Variants in COL22A1 observed in about 807,000 individuals in gnomAD.
The protein encoded by COL22A1 is collagen type XXII alpha 1 chain.
In COL22A1, 221 loss-of-function variants were observed where a neutral mutation model predicts 248.9. The ratio of observed to expected loss-of-function variants is 0.89; its 90% CI spans 0.80 to 0.99. The LOEUF (loss-of-function observed/expected upper bound fraction) is 0.99. COL22A1 is among the 50% of genes least tolerant of loss of function. COL22A1 has a pLI of 0.00. For synonymous variants in COL22A1, 891 were observed against 793.4 expected (o/e 1.12, Z -2.07); for missense variants, 2,240 against 2,179.0 (o/e 1.03, Z -0.56).
chr8:138,862,287 C>T (rs1292246715), intron 3 of COL22A1, among the ~76,000 whole-genome samples: 1 of 152,148 alleles, frequency 6.6e-6, no homozygotes, highest in Non-Finnish European at 1.5e-5. Context: ...TGCCACTCAA[C>T]TAACAATAAA....
chr8:138,598,955 G>A (rs1817766910), intron 60 of COL22A1, 57 bp from the exon 61 acceptor site: 2 of 1,562,664 alleles, frequency 1.3e-6, no homozygotes, highest in Non-Finnish European at 1.8e-6. Context: ...TGTACCCCAT[G>A]CAGCTGCAAA....
intron 3 of COL22A1, among the ~76,000 whole-genome samples, chr8:138,874,076 C>T (rs1437565873): frequency 6.6e-6 from 1 of 152,186 alleles, no homozygotes; most frequent in Non-Finnish European, 1.5e-5. Flanking sequence ...AGCTGCTTTC[C>T]AATATGTTAC....
At chr8:138,806,139 GGTGTGTGTGTGATGGT>G (rs1563788718) in intron 10 of COL22A1, among the ~76,000 whole-genome samples, 3 of 64,542 alleles carry the variant, frequency 4.6e-5, no homozygotes, top group African/African-American at 1.1e-4. Context: ...GGTGTGTGGT[GGTGTGTGTGTGATGGT>G]GTGTGTGTGT....
In COL22A1 at chr8:138,624,529, T is replaced by G. The variant is rs577719651; in HGVS notation, c.3718-744A>C. On this transcript the variant is annotated intron_variant, in intron 51 of 64. Transcript: ENST00000303045. ...AATGGATATTATTAAGAAAATAGCATAATCATATGTAAGGTTGTATCTCTC... is the reference window on the plus strand; with the variant it reads ...AATGGATATTATTAAGAAAATAGCAGAATCATATGTAAGGTTGTATCTCTC... Among the ~76,000 whole-genome samples the G allele has an allele frequency of 2.6e-5, 4 of 152,280 alleles. No homozygotes were observed. The South Asian group carries it at 8.3e-4, about 32-fold the overall frequency.
At chr8:138,901,369 G>GTTTTTTTTTTTTTTTTT (rs1396582556) in intron 1 of COL22A1, among the ~76,000 whole-genome samples, 6 of 118,768 alleles carry the variant, frequency 5.1e-5, no homozygotes, top group Admixed American at 1.0e-4. Flanking sequence ...TTTTTTTTTT[G>GTTTTTTTTTTTTTTTTT]TTTTTTTTTT....
chr8:138,891,896 G>T lies in COL22A1; in HGVS notation c.-72-8652C>A, dbSNP rs6999051. ...AGAAACTTTCAGTTAACCCCTGGGA[G>T]GGAAGAGCATGGCTTTCTTTATCCT... is the stretch of plus-strand genomic sequence containing the variant. On this transcript the variant is annotated intron_variant, in intron 1 of 64. Coordinates refer to ENST00000303045, the MANE Select transcript of COL22A1 (RefSeq NM_152888.3). Among the ~76,000 whole-genome samples, 21 of 152,168 alleles carry T rather than the reference G, an allele frequency of 1.4e-4. No homozygotes were observed. The South Asian group carries it at 3.5e-3, about 26-fold the overall frequency.
intron 18 of COL22A1, among the ~76,000 whole-genome samples, chr8:138,756,861 C>T (rs1833047333): frequency 6.6e-6 from 1 of 152,168 alleles, no homozygotes; most frequent in East Asian, 1.9e-4. Context: ...AATCACCTCA[C>T]TTTTCACAGC....
chr8:138,629,713 A>G (rs1820545711), intron 50 of COL22A1, among the ~76,000 whole-genome samples: 1 of 152,218 alleles, frequency 6.6e-6, no homozygotes, highest in Non-Finnish European at 1.5e-5. Context: ...ACTTTGACCA[A>G]GTGACATAAC....
intron 58 of COL22A1, among the ~76,000 whole-genome samples, chr8:138,605,096 A>G (rs1470510783): frequency 6.6e-6 from 1 of 152,198 alleles, no homozygotes; most frequent in African/African-American, 2.4e-5. Context: ...AAGTAGGCCC[A>G]TAATGTGTGA....
intron 16 of COL22A1, among the ~76,000 whole-genome samples, chr8:138,769,939 T>C (rs7832107): frequency 0.5 from 75,458 of 151,998 alleles, 19,752 homozygotes; most frequent in African/African-American, 0.66. Context: ...CTTAGGGACC[T>C]TCTACCAGGT....
chr8:138,667,812 G>A (rs1824644690), intron 41 of COL22A1, among the ~76,000 whole-genome samples: 2 of 151,884 alleles, frequency 1.3e-5, no homozygotes, highest in African/African-American at 2.4e-5. Context: ...TCACAAAGAG[G>A]CTCCACCAGA....
At position 138,781,856 on chromosome 8, in the gene COL22A1, T is replaced by C. The variant is rs79045258; in HGVS notation, c.1597-876A>G. Among the ~76,000 whole-genome samples, 33 of 152,346 alleles carry C rather than the reference T, an allele frequency of 2.2e-4. No homozygotes were observed. The East Asian group carries it at 6.0e-3, about 28-fold the overall frequency. The stretch of plus-strand genomic sequence containing the variant: ...AGGCTGCGCCTCTCTCTGGGCTGTT[T>C]CCATCTATACAGTGCGGGTGCTGGG... On this transcript the variant is annotated intron_variant, in intron 12 of 64. Coordinates refer to ENST00000303045, the MANE Select transcript of COL22A1 (RefSeq NM_152888.3).
chr8:138,611,411 C>A (rs1818851461), intron 56 of COL22A1, among the ~76,000 whole-genome samples: 1 of 152,218 alleles, frequency 6.6e-6, no homozygotes, highest in Non-Finnish European at 1.5e-5. Context: ...GATGGCTGAA[C>A]TCCAGAATTG....
chr8:138,778,131 G>A (rs1401871894), intron 15 of COL22A1: 1 of 610,972 alleles, frequency 1.6e-6, no homozygotes, highest in Non-Finnish European at 3.0e-6. Context: ...TGTGAGAAAG[G>A]GGTCCCAGGA....
intron 52 of COL22A1, among the ~76,000 whole-genome samples, chr8:138,622,316 C>CA (rs1246607272): frequency 6.6e-6 from 1 of 152,150 alleles, no homozygotes; most frequent in Admixed American, 6.6e-5. Flanking sequence ...CATTCTATTT[C>CA]AAAAGAAACT....
At chr8:138,686,492 G>A (rs1203408195) in intron 37 of COL22A1, among the ~76,000 whole-genome samples, 3 of 152,248 alleles carry the variant, frequency 2.0e-5, no homozygotes, top group African/African-American at 7.2e-5. Context: ...CAAGGATGGA[G>A]AGGGCCTCTC....
intron 46 of COL22A1, 85 bp from the exon 47 acceptor site, chr8:138,646,767 G>T (rs377369794): frequency 1.0e-6 from 1 of 963,492 alleles, no homozygotes; most frequent in Non-Finnish European, 1.5e-6. Flanking sequence ...CATCAGCCTC[G>T]TACCTCCCTT....
At chr8:138,825,882 G>A (rs1336547808) in intron 6 of COL22A1, 2 of 152,230 alleles carry the variant, frequency 1.3e-5, no homozygotes, top group Non-Finnish European at 2.9e-5. Flanking sequence ...ATTTGGCAGA[G>A]AACAAATAGT....
intron 1 of COL22A1, among the ~76,000 whole-genome samples, chr8:138,896,257 T>A (rs1036559044): frequency 7.9e-5 from 12 of 152,130 alleles, no homozygotes; most frequent in African/African-American, 2.4e-4. Context: ...TAAAAAAAAA[T>A]TTGATGACTA....
Sources: gnomAD v4.1 joint callset for allele counts (sites outside exome capture counted in the v4.1 genomes callset) on GRCh38, gnomAD v4.1.1 for gene constraint, MANE v1.5 for transcripts, NCBI Gene and HGNC (gene_info 2026-07-23, HGNC 2026-07-21) for gene names.